NALF1: variants seen among roughly 807,000 people sequenced by gnomAD.
NALF1 encodes NALCN channel auxiliary factor 1.
Under a neutral mutation model 48.4 loss-of-function variants are expected in NALF1, and 3 were observed. The observed-to-expected ratio is 0.06, with a 90% CI of 0.03 to 0.16. The LOEUF is 0.16. Ranked by LOEUF, NALF1 falls within the 10% of genes least tolerant of loss-of-function variation. The pLI is 1.00. For missense variants in NALF1, 526 were observed against 571.5 expected, an observed-to-expected ratio of 0.92 and a Z score of 0.81; for synonymous variants, 262 against 245.7, an observed-to-expected ratio of 1.07 and a Z score of -0.62.
Position 107,212,693 on chromosome 13 carries a change from C to T in NALF1, c.916-1938G>A, listed in dbSNP as rs1041620987. 2.4e-4 allele frequency among the ~76,000 whole-genome samples: 37 copies of T among 152,304 alleles called. 1 individual carries two copies. Among genetic ancestry groups the T allele is most frequent in the African/African-American group, 8.9e-4 (37 of 41,556 alleles). ...TGACATGATACGTAATATGACATGACATTTATTATGTAAACTAAGCTGTAG... is the reference window on the plus strand; with the variant it reads ...TGACATGATACGTAATATGACATGATATTTATTATGTAAACTAAGCTGTAG... On this transcript the variant is annotated intron_variant, in intron 1 of 2. Transcript: ENST00000375915.
rs560749283 is a variant in NALF1 at position 107,754,863 on chromosome 13, T to C, written c.915+110819A>G. Among the ~76,000 whole-genome samples the C allele has an allele frequency of 1.2e-4, 18 of 152,278 alleles. 1 individual carries two copies. Among genetic ancestry groups the C allele is most frequent in the Non-Finnish European group, 8.8e-5 (6 of 68,016 alleles). On this transcript the variant is annotated intron_variant, in intron 1 of 2. Transcript: ENST00000375915. ...ACACTATTAGAAAGGAGAGAAGAAA[T>C]TGTAAATCCTGTGGATGGGGTAAGT...
intron 1 of NALF1, among the ~76,000 whole-genome samples, chr13:107,741,209 C>T (rs1191112026): frequency 2.0e-5 from 3 of 152,300 alleles, no homozygotes; most frequent in South Asian, 4.1e-4. Flanking sequence ...CATTCTGGTG[C>T]TAATTGGATT....
chr13:107,396,336 G>A (rs553434321), intron 1 of NALF1, among the ~76,000 whole-genome samples: 22 of 152,240 alleles, frequency 1.4e-4, no homozygotes, highest in African/African-American at 4.8e-4. Flanking sequence ...TTCTGTGTTC[G>A]CAAAAGATCT....
chr13:107,334,112 C>G (rs1281987673), intron 1 of NALF1, among the ~76,000 whole-genome samples: 2 of 152,094 alleles, frequency 1.3e-5, no homozygotes, highest in African/African-American at 4.8e-5. Context: ...ATTAAATATT[C>G]TCATTATAAT....
intron 1 of NALF1, among the ~76,000 whole-genome samples, chr13:107,425,448 T>G (rs932217796): frequency 6.6e-6 from 1 of 152,192 alleles, no homozygotes; most frequent in Non-Finnish European, 1.5e-5. Context: ...ACTCATTTAT[T>G]ATTTTTTAAA....
chr13:107,532,615 A>T, intron 1 of NALF1, among the ~76,000 whole-genome samples: 1 of 152,098 alleles, frequency 6.6e-6, no homozygotes, highest in East Asian at 1.9e-4. Flanking sequence ...TATTACATGA[A>T]GTTTTTATAT....
intron 1 of NALF1, among the ~76,000 whole-genome samples, chr13:107,398,969 C>T (rs1883758718): frequency 6.6e-6 from 1 of 152,160 alleles, no homozygotes; most frequent in African/African-American, 2.4e-5. Context: ...GAAAGCTATG[C>T]TGGTGCTTAA....
At chr13:107,732,784 C>T (rs1876349062) in intron 1 of NALF1, among the ~76,000 whole-genome samples, 1 of 152,058 alleles carries the variant, frequency 6.6e-6, no homozygotes. Flanking sequence ...GTAACATAAA[C>T]CTATTGCAAA....
intron 1 of NALF1, among the ~76,000 whole-genome samples, chr13:107,778,278 G>A (rs1877793414): frequency 1.3e-5 from 2 of 152,202 alleles, no homozygotes; most frequent in Admixed American, 6.5e-5. Flanking sequence ...GTAAAGGAAT[G>A]TATTTGGAGC....
chr13:107,245,754 CT>C (rs938559879), intron 1 of NALF1, among the ~76,000 whole-genome samples: 8 of 151,384 alleles, frequency 5.3e-5, no homozygotes, highest in South Asian at 2.1e-4. Context: ...TAAGGGATTT[CT>C]TTTTTTTTAT....
intron 1 of NALF1, among the ~76,000 whole-genome samples, chr13:107,354,663 T>C (rs1176100595): frequency 2.6e-5 from 4 of 152,176 alleles, no homozygotes; most frequent in African/African-American, 9.7e-5. Flanking sequence ...ATTTCAAGAA[T>C]AAGTACTTTT....
Position 107,365,394 on chromosome 13 carries a change from CCT to C in NALF1, c.916-154641_916-154640del, listed in dbSNP as rs1883135820. Among the ~76,000 whole-genome samples, 4 of 152,190 alleles carry C rather than the reference CCT, an allele frequency of 2.6e-5. No homozygotes were observed. The South Asian group carries it at 6.2e-4, about 24-fold the overall frequency. ...TCTGAGCTCTCTCCAGTGTACTTTT[CCT>C]CTGACAGCCCTGCCGAGAAACTTCT... On this transcript the variant is annotated intron_variant, in intron 1 of 2. Transcript: ENST00000375915.
intron 1 of NALF1, among the ~76,000 whole-genome samples, chr13:107,680,812 GTGAGTGTA>G (rs1881279012): frequency 1.3e-5 from 2 of 151,562 alleles, no homozygotes; most frequent in Non-Finnish European, 2.9e-5. Flanking sequence ...GGTGAGTGGT[GTGAGTGTA>G]TGAGTGTGAA....
chr13:107,607,853 AGG>A (rs1160618600), intron 1 of NALF1, among the ~76,000 whole-genome samples: 38 of 152,326 alleles, frequency 2.5e-4, no homozygotes, highest in African/African-American at 8.9e-4. Flanking sequence ...TTTGTAAAGC[AGG>A]GAAAACCACA....
intron 1 of NALF1, among the ~76,000 whole-genome samples, chr13:107,838,761 G>A (rs564188072): frequency 1.3e-5 from 2 of 152,234 alleles, no homozygotes; most frequent in East Asian, 1.9e-4. Context: ...TGCTGTTGGA[G>A]GTTCCAGTTA....
At chr13:107,663,251 A>G (rs1374516797) in intron 1 of NALF1, among the ~76,000 whole-genome samples, 3 of 152,230 alleles carry the variant, frequency 2.0e-5, no homozygotes, top group Non-Finnish European at 4.4e-5. Context: ...TTTTCATAAC[A>G]GCACATAAAA....
intron 1 of NALF1, among the ~76,000 whole-genome samples, chr13:107,325,458 T>A (rs1028340809): frequency 6.6e-6 from 1 of 152,160 alleles, no homozygotes; most frequent in African/African-American, 2.4e-5. Flanking sequence ...AAAATTAGTA[T>A]GTTTCAGAGC....
intron 1 of NALF1, among the ~76,000 whole-genome samples, chr13:107,246,123 T>C (rs1455850110): frequency 2.0e-5 from 3 of 152,006 alleles, no homozygotes; most frequent in African/African-American, 7.3e-5. Flanking sequence ...ATTCTTCATC[T>C]GTGTACTTTT....
chr13:107,654,208 A>C (rs985288480), intron 1 of NALF1, among the ~76,000 whole-genome samples: 1 of 152,130 alleles, frequency 6.6e-6, no homozygotes, highest in Non-Finnish European at 1.5e-5. Flanking sequence ...AAGATATTAT[A>C]ACTGACACCA....
Sources: gnomAD v4.1 joint callset for allele counts (sites outside exome capture counted in the v4.1 genomes callset) on GRCh38, gnomAD v4.1.1 for gene constraint, MANE v1.5 for transcripts, NCBI Gene and HGNC (gene_info 2026-07-23, HGNC 2026-07-21) for gene names.